The following LY86 variants were observed in gnomAD, a reference collection of about 807,000 sequenced individuals.
LY86 encodes lymphocyte antigen 86.
Under a neutral mutation model 17.3 loss-of-function variants are expected in LY86, and 20 were observed. The observed-to-expected ratio is 1.15, with a 90% CI of 0.81 to 1.68. The LOEUF (loss-of-function observed/expected upper bound fraction) is 1.68. Ranked by LOEUF, LY86 falls within the 40% of genes most tolerant of loss-of-function variation. The pLI is 0.00. For synonymous variants in LY86, 74 were observed against 70.6 expected, an observed-to-expected ratio of 1.05 and a Z score of -0.24; for missense variants, 200 against 191.9, an observed-to-expected ratio of 1.04 and a Z score of -0.25.
Position 6,650,126 on chromosome 6 carries a change from C to G in LY86, c.405+449C>G, listed in dbSNP as rs150083056. On this transcript the variant is annotated intron_variant, in intron 4 of 4. Transcript: ENST00000230568. ...GCACAAGCCATGAAGGCATGAAGGT[C>G]CTCCAGTTACTGTCCTTTCATTGTT... is the stretch of plus-strand genomic sequence containing the variant. 6.6e-5 allele frequency among the ~76,000 whole-genome samples: 10 copies of G among 152,256 alleles called. No individual in the cohort carries two copies. In the East Asian group the frequency reaches 1.9e-3, roughly 29 times the overall value.
At chr6:6,652,055 CAAAAAA>C (rs61606490) in intron 4 of LY86, among the ~76,000 whole-genome samples, 16 of 59,302 alleles carry the variant, frequency 2.7e-4, no homozygotes, top group South Asian at 8.6e-4. Flanking sequence ...GACTCCATCT[CAAAAAA>C]AAAAAAAAAA....
chr6:6,623,618 C>T (rs114947590), intron 1 of LY86, among the ~76,000 whole-genome samples: 5,935 of 152,212 alleles, frequency 0.039, 137 homozygotes, highest in Middle Eastern at 0.068. Context: ...ATGGCCCATC[C>T]ATTCACTCAA....
chr6:6,588,873 A>G lies in LY86; in HGVS notation c.136+3A>G. On this transcript the variant is annotated splice_donor_region_variant and intron_variant, in intron 1 of 4. Transcript: ENST00000230568. ...GGAAGTGCTCTACCAGAGTTGCGGT[A>G]AGCCCTTGCAGTACACCCATGTGTG... 1.2e-6 allele frequency: 2 copies of G among 1,613,842 alleles called. No homozygotes were observed. Among genetic ancestry groups the G allele is most frequent in the East Asian group, 2.2e-5 (1 of 44,870 alleles).
intron 1 of LY86, chr6:6,620,980 A>C (rs1761659653): frequency 6.6e-6 from 1 of 152,304 alleles, no homozygotes; most frequent in Non-Finnish European, 1.5e-5. Flanking sequence ...TCGAGGGCCC[A>C]CATGCCCGGG....
At chr6:6,649,746 G>GGA in intron 4 of LY86, 69 bp downstream of exon 4, 2 of 978,682 alleles carry the variant, frequency 2.0e-6, no homozygotes, top group Non-Finnish European at 3.2e-6. Flanking sequence ...GCTAGAAGGA[G>GGA]GGAAAGGAGG....
intron 1 of LY86, among the ~76,000 whole-genome samples, chr6:6,606,696 G>A (rs1554124115): frequency 6.6e-6 from 1 of 152,228 alleles, no homozygotes; most frequent in Non-Finnish European, 1.5e-5. Context: ...ACTACCCGGG[G>A]CTTGCGGGCG....
chr6:6,605,180 G>A (rs769644681), intron 1 of LY86, among the ~76,000 whole-genome samples: 18 of 152,152 alleles, frequency 1.2e-4, no homozygotes, highest in Non-Finnish European at 2.2e-4. Context: ...TGATGATAAT[G>A]ATGAATTTGG....
chr6:6,629,061 T>C (rs1761854085), intron 3 of LY86, among the ~76,000 whole-genome samples: 1 of 152,242 alleles, frequency 6.6e-6, no homozygotes, highest in Non-Finnish European at 1.5e-5. Context: ...CAATTCAGTT[T>C]AGCAGCTCAA....
At chr6:6,635,353 T>C (rs1418395490) in intron 3 of LY86, among the ~76,000 whole-genome samples, 1 of 152,190 alleles carries the variant, frequency 6.6e-6, no homozygotes, top group Non-Finnish European at 1.5e-5. Flanking sequence ...TAACAACTAA[T>C]AAAATAGAAC....
chr6:6,611,989 C>CTGAGAACTGAACACTA (rs1554124555), intron 1 of LY86, among the ~76,000 whole-genome samples: 8 of 72,110 alleles, frequency 1.1e-4, no homozygotes, highest in Admixed American at 9.0e-4. Context: ...ACCCCCTTAA[C>CTGAGAACTGAACACTA]TGAGTACTGA....
At chr6:6,605,898 T>G (rs1761116736) in intron 1 of LY86, among the ~76,000 whole-genome samples, 1 of 152,138 alleles carries the variant, frequency 6.6e-6, no homozygotes, top group Non-Finnish European at 1.5e-5. Context: ...GTTCTTAGTC[T>G]CGCTGGCTTC....
chr6:6,622,565 C>G (rs1004642983), intron 1 of LY86: 7 of 152,216 alleles, frequency 4.6e-5, no homozygotes, highest in African/African-American at 1.7e-4. Context: ...CAAAAGGGCT[C>G]TTTCCCACCC....
At chr6:6,605,792 TC>T (rs1761107014) in intron 1 of LY86, among the ~76,000 whole-genome samples, 2 of 152,206 alleles carry the variant, frequency 1.3e-5, no homozygotes, top group Admixed American at 6.5e-5. Context: ...TTCAGTTTCT[TC>T]CTTTTGGTGG....
chr6:6,606,683 C>T lies in LY86; in HGVS notation c.136+17813C>T, dbSNP rs189947023. On this transcript the variant is annotated intron_variant, in intron 1 of 4. Transcript: ENST00000230568. ...AGCTACTGGCCCAGGTGCTAAGCCCCTCACTACCCGGGGCTTGCGGGCGGA... is the reference window on the plus strand; with the variant it reads ...AGCTACTGGCCCAGGTGCTAAGCCCTTCACTACCCGGGGCTTGCGGGCGGA... Among the ~76,000 whole-genome samples the T allele has an allele frequency of 4.3e-3, 649 of 152,352 alleles. 4 individuals carry two copies. The highest frequency in any genetic ancestry group is 0.014 in the African/African-American group (593 of 41,586).
chr6:6,604,963 TATACAGTATAGCTACAATTCTAC>T (rs1761052986), intron 1 of LY86, among the ~76,000 whole-genome samples: 1 of 152,056 alleles, frequency 6.6e-6, no homozygotes, highest in Non-Finnish European at 1.5e-5. Context: ...TAGAATTCTA[TATACAGTATAGCTACAATTCTAC>T]ATACAGTATA....
chr6:6,626,930 CA>C (rs1248814784), intron 3 of LY86, among the ~76,000 whole-genome samples: 1 of 152,154 alleles, frequency 6.6e-6, no homozygotes, highest in East Asian at 1.9e-4. Context: ...ACGGAAACCC[CA>C]TTATATTAGC....
Position 6,626,362 on chromosome 6 carries a change from C to G in LY86, c.293C>G (p.Ser98Cys). The G allele has an allele frequency of 6.2e-7, 1 of 1,614,010 alleles. No homozygotes were observed. The highest frequency in any genetic ancestry group is 8.5e-7 in the Non-Finnish European group (1 of 1,179,978). Residue 98 changes from serine (S) to cysteine (C), a missense_variant, in exon 3 of 5, where the codon TCC (serine) becomes TGC (cysteine). By Grantham distance (112) the Ser-to-Cys change is moderately radical. Coordinates refer to ENST00000230568, the MANE Select transcript of LY86 (RefSeq NM_004271.4). ...MSQGSSVLNF[S>C]YPICEAALPK... ...CAAGGCTCATCTGTTTTGAATTTCT[C>G]CTATCCCATCTGTGAGGCGGCTCTG...
chr6:6,643,442 G>A (rs1762067460), intron 3 of LY86, among the ~76,000 whole-genome samples: 1 of 152,190 alleles, frequency 6.6e-6, no homozygotes, highest in African/African-American at 2.4e-5. Context: ...ACTTACAGGT[G>A]GAATCCAAAA....
intron 1 of LY86, among the ~76,000 whole-genome samples, chr6:6,603,233 T>G (rs1359964694): frequency 6.6e-6 from 1 of 152,066 alleles, no homozygotes; most frequent in Non-Finnish European, 1.5e-5. Flanking sequence ...GGAATTAGGT[T>G]TTAACATATA....
Sources: gnomAD v4.1 joint callset for allele counts (sites outside exome capture counted in the v4.1 genomes callset) on GRCh38, gnomAD v4.1.1 for gene constraint, MANE v1.5 for transcripts, NCBI Gene and HGNC (gene_info 2026-07-23, HGNC 2026-07-21) for gene names.